Variants in TPRG1 observed in about 807,000 individuals in gnomAD.
TPRG1 encodes tumor protein p63 regulated 1.
Under a neutral mutation model 29.3 loss-of-function variants are expected in TPRG1, and 29 were observed. The ratio of observed to expected loss-of-function variants is 0.99; its 90% CI spans 0.74 to 1.35. The LOEUF (loss-of-function observed/expected upper bound fraction) is 1.35. TPRG1 is among the 40% of genes most tolerant of loss of function. The pLI, the probability that TPRG1 is intolerant of heterozygous loss-of-function variation, is 0.00. For missense variants in TPRG1, 327 were observed against 335.0 expected (o/e 0.98, Z 0.19); for synonymous variants, 130 against 116.8 (o/e 1.11, Z -0.73).
At chr3:189,186,990 T>TTTC (rs1731013151) in intron 1 of TPRG1, among the ~76,000 whole-genome samples, 1 of 129,588 alleles carries the variant, frequency 7.7e-6, no homozygotes, top group African/African-American at 3.2e-5. Flanking sequence ...AAAGTGTTTT[T>TTTC]TTTTTTTTTT....
At chr3:189,058,549 A>T (rs1322578910) in intron 4 of TPRG1, among the ~76,000 whole-genome samples, 1 of 152,208 alleles carries the variant, frequency 6.6e-6, no homozygotes, top group East Asian at 1.9e-4. Flanking sequence ...AAGTCATTGG[A>T]TCAAGGGATT....
intron 2 of TPRG1, among the ~76,000 whole-genome samples, chr3:189,209,802 C>T (rs576417450): frequency 1.3e-5 from 2 of 152,034 alleles, no homozygotes; most frequent in African/African-American, 2.4e-5. Context: ...TTAGGTGTAT[C>T]GAAAACAATC....
intron 4 of TPRG1, among the ~76,000 whole-genome samples, chr3:189,094,115 A>G (rs1718518112): frequency 6.6e-6 from 1 of 152,184 alleles, no homozygotes. Context: ...ACACAAAGAT[A>G]ATTCCATGAA....
chr3:189,167,257 G>C (rs1191200096), upstream of TPRG1, among the ~76,000 whole-genome samples: 1 of 152,190 alleles, frequency 6.6e-6, no homozygotes, highest in East Asian at 1.9e-4. Context: ...CCCCAGGTAT[G>C]AGTCAGACCT....
At chr3:189,179,140 A>T (rs926336329) in intron 1 of TPRG1, among the ~76,000 whole-genome samples, 1 of 152,156 alleles carries the variant, frequency 6.6e-6, no homozygotes, top group African/African-American at 2.4e-5. Context: ...ATATATCCTT[A>T]TGCTGTCTGA....
intron 4 of TPRG1, among the ~76,000 whole-genome samples, chr3:189,087,959 CT>C (rs1327443185): frequency 1.3e-5 from 2 of 152,108 alleles, no homozygotes; most frequent in African/African-American, 4.8e-5. Flanking sequence ...CAGCTTTGTT[CT>C]TTTGGCTTAG....
chr3:189,317,033 A>G (rs980722815), intron 5 of TPRG1, among the ~76,000 whole-genome samples: 3 of 152,176 alleles, frequency 2.0e-5, no homozygotes, highest in African/African-American at 4.8e-5. Flanking sequence ...TCTGACTCCA[A>G]TGAAATGCCA....
At chr3:189,092,112 T>C (rs2152180725) in intron 4 of TPRG1, among the ~76,000 whole-genome samples, 1 of 152,344 alleles carries the variant, frequency 6.6e-6, no homozygotes, top group African/African-American at 2.4e-5. Context: ...TCACTCACTA[T>C]TTTTCAGTTC....
At chr3:189,049,447 GT>G (rs1421475133) in intron 4 of TPRG1, among the ~76,000 whole-genome samples, 2 of 152,070 alleles carry the variant, frequency 1.3e-5, no homozygotes, top group African/African-American at 4.8e-5. Flanking sequence ...CACAACTCCA[GT>G]GACCTGGGAA....
At chr3:189,213,625 T>G (rs1469592804) in intron 2 of TPRG1, among the ~76,000 whole-genome samples, 1 of 152,182 alleles carries the variant, frequency 6.6e-6, no homozygotes, top group Non-Finnish European at 1.5e-5. Context: ...AACATCACCT[T>G]CATCTTCTGT....
intron 3 of TPRG1, among the ~76,000 whole-genome samples, chr3:189,227,907 A>G (rs1342557202): frequency 6.6e-6 from 1 of 152,152 alleles, no homozygotes; most frequent in Non-Finnish European, 1.5e-5. Flanking sequence ...AGATTGCCAG[A>G]GCTCAGGAGT....
rs566050406 is a variant in TPRG1 at position 189,249,668 on chromosome 3, T to C, written c.479+10759T>C. 9.2e-5 allele frequency among the ~76,000 whole-genome samples: 14 copies of C among 152,194 alleles called. No individual in the cohort carries two copies. In the South Asian group the frequency reaches 2.7e-3, roughly 29 times the overall value. On this transcript the variant is annotated intron_variant, in intron 4 of 5. Transcript: ENST00000345063. ...GCTTTTCATTGAGTGCATTTTCTTC[T>C]AACAGAGTAATCATAGGTTTCTCTT...
At chr3:189,306,791 C>T (rs1356942198) in intron 4 of TPRG1, among the ~76,000 whole-genome samples, 1 of 152,042 alleles carries the variant, frequency 6.6e-6, no homozygotes, top group East Asian at 1.9e-4. Flanking sequence ...AGAAACAAAA[C>T]TTTTTATCAT....
At chr3:189,307,020 G>A (rs1721735118) in intron 4 of TPRG1, among the ~76,000 whole-genome samples, 2 of 152,122 alleles carry the variant, frequency 1.3e-5, no homozygotes, top group African/African-American at 4.8e-5. Flanking sequence ...GAAAGACCCA[G>A]TCTTCTTCTT....
chr3:189,216,540 T>C (rs1233863878), intron 3 of TPRG1, among the ~76,000 whole-genome samples: 1 of 152,228 alleles, frequency 6.6e-6, no homozygotes, highest in Non-Finnish European at 1.5e-5. Context: ...AAAATGGAGA[T>C]AATAGTATGT....
chr3:189,290,958 A>G (rs893859036), intron 4 of TPRG1, among the ~76,000 whole-genome samples: 2 of 152,098 alleles, frequency 1.3e-5, no homozygotes. Context: ...GCTGGAGTGC[A>G]GTGGCCCGAT....
chr3:189,068,196 G>T (rs927065724), intron 4 of TPRG1, among the ~76,000 whole-genome samples: 3 of 152,262 alleles, frequency 2.0e-5, no homozygotes, highest in African/African-American at 7.2e-5. Flanking sequence ...AAAAGTAACT[G>T]TCATACACAT....
chr3:189,213,134 A>G (rs1038646850), intron 2 of TPRG1, among the ~76,000 whole-genome samples: 4 of 152,196 alleles, frequency 2.6e-5, no homozygotes, highest in Admixed American at 2.6e-4. Flanking sequence ...ATCTGATATC[A>G]GCCATAATGA....
intron 4 of TPRG1, among the ~76,000 whole-genome samples, chr3:189,240,794 A>G (rs1254463709): frequency 6.6e-6 from 1 of 152,164 alleles, no homozygotes; most frequent in African/African-American, 2.4e-5. Flanking sequence ...ACATATGCCT[A>G]TACACGTTTA....
Sources: gnomAD v4.1 joint callset for allele counts (sites outside exome capture counted in the v4.1 genomes callset) on GRCh38, gnomAD v4.1.1 for gene constraint, MANE v1.5 for transcripts, NCBI Gene and HGNC (gene_info 2026-07-23, HGNC 2026-07-21) for gene names.